Variants in RASGEF1C observed in about 807,000 individuals in gnomAD.
RASGEF1C encodes ras-GEF domain-containing family member 1C.
A neutral mutation model predicts 58.1 loss-of-function variants in RASGEF1C; 27 were observed. That is an observed-to-expected ratio of 0.46 (90% CI 0.34 to 0.64). The LOEUF (loss-of-function observed/expected upper bound fraction) is 0.64. Among genes scored for constraint, RASGEF1C ranks in the 30% least tolerant of loss-of-function variants. The pLI is 0.01. For synonymous variants in RASGEF1C, 243 were observed against 246.3 expected (o/e 0.99, Z 0.13); for missense variants, 502 against 605.1 (o/e 0.83, Z 1.79).
chr5:180,189,923 CAAAAA>C (rs71001085), intron 1 of RASGEF1C, among the ~76,000 whole-genome samples: 494 of 37,206 alleles, frequency 0.013, 2 homozygotes, highest in South Asian at 0.078. Flanking sequence ...AACTCCATCT[CAAAAA>C]AAAAAAAAAA....
intron 1 of RASGEF1C, among the ~76,000 whole-genome samples, chr5:180,182,576 G>A (rs983986432): frequency 2.0e-5 from 3 of 152,072 alleles, no homozygotes; most frequent in African/African-American, 7.3e-5. Context: ...ATTTTATAGT[G>A]TTGATTGGTG....
intron 10 of RASGEF1C, among the ~76,000 whole-genome samples, chr5:180,117,719 C>T (rs180922106): frequency 3.0e-4 from 46 of 152,248 alleles, no homozygotes; most frequent in East Asian, 2.7e-3. Context: ...TGTGGCTGGG[C>T]GCAGTGGCTC....
chr5:180,192,605 C>A (rs1436941542), intron 1 of RASGEF1C, among the ~76,000 whole-genome samples: 2 of 151,944 alleles, frequency 1.3e-5, no homozygotes, highest in Non-Finnish European at 2.9e-5. Context: ...ATTGTAGGCA[C>A]AAATGACACG....
intron 11 of RASGEF1C, among the ~76,000 whole-genome samples, chr5:180,113,277 C>T (rs565831470): frequency 4.2e-5 from 3 of 70,752 alleles, no homozygotes; most frequent in African/African-American, 5.9e-5. Flanking sequence ...CGAGGATGGA[C>T]GGAGGGATCC....
Position 180,201,508 on chromosome 5 carries a change from C to T in RASGEF1C, c.-7+7520G>A, listed in dbSNP as rs75535319. 9.2e-3 allele frequency among the ~76,000 whole-genome samples: 1,400 copies of T among 152,318 alleles called. 34 individuals carry two copies. The highest frequency in any genetic ancestry group is 0.088 in the South Asian group (424 of 4,824). On this transcript the variant is annotated intron_variant, in intron 1 of 13. Transcript: ENST00000361132. ...TCCTGCCTGCAGCCATCTGTTACCA[C>T]CAGTCCAGGCAAATTAAGACATCTC...
At chr5:180,174,556 CTG>C (rs1183829599) in intron 1 of RASGEF1C, among the ~76,000 whole-genome samples, 20 of 141,798 alleles carry the variant, frequency 1.4e-4, no homozygotes, top group Admixed American at 2.8e-4. Flanking sequence ...GTGCGTGTGT[CTG>C]TGTGTGCACG....
chr5:180,115,823 A>G (rs1421459682), intron 10 of RASGEF1C, among the ~76,000 whole-genome samples: 3 of 151,964 alleles, frequency 2.0e-5, no homozygotes, highest in Non-Finnish European at 4.4e-5. Flanking sequence ...GCTCTGCCCT[A>G]GTGCCCCGTC....
At chr5:180,151,875 A>G (rs1286936611) in intron 1 of RASGEF1C, among the ~76,000 whole-genome samples, 3 of 151,418 alleles carry the variant, frequency 2.0e-5, no homozygotes, top group South Asian at 2.1e-4. Flanking sequence ...TTTACAAGAA[A>G]AAAACAAACA....
chr5:180,208,966 G>T (rs1167096220), intron 1 of RASGEF1C, 62 bp downstream of exon 1: 1 of 145,568 alleles, frequency 6.9e-6, no homozygotes, highest in African/African-American at 2.5e-5. Flanking sequence ...GCCCTCCCCA[G>T]CCCCCGCGAG....
chr5:180,175,737 C>T (rs576808715), intron 1 of RASGEF1C, among the ~76,000 whole-genome samples: 17 of 152,342 alleles, frequency 1.1e-4, no homozygotes, highest in Admixed American at 1.3e-4. Context: ...CGGTGGCTCA[C>T]GCCTGTGATC....
intron 1 of RASGEF1C, among the ~76,000 whole-genome samples, chr5:180,186,712 TC>T (rs1756048659): frequency 6.6e-6 from 1 of 152,156 alleles, no homozygotes; most frequent in Non-Finnish European, 1.5e-5. Flanking sequence ...ACGCTTGTAA[TC>T]CCAGGACTTT....
At position 180,177,260 on chromosome 5, in the gene RASGEF1C, G is replaced by A. The variant is rs1164937231; in HGVS notation, c.-7+31768C>T. On this transcript the variant is annotated intron_variant, in intron 1 of 13. Coordinates refer to ENST00000361132, the MANE Select transcript of RASGEF1C (RefSeq NM_175062.4). This position sits in a 1 kb window ranked among gnomAD's most constrained non-coding sequence, Gnocchi z 5.0. ...CAGCCCCTCAGCCCCGAAGCCAGGG[G>A]CTGCTTTCCCTTTCCGGCCCCACCT... is the stretch of plus-strand genomic sequence containing the variant. Among the ~76,000 whole-genome samples, 3 of 152,174 alleles carry A rather than the reference G, an allele frequency of 2.0e-5. No homozygotes were observed.
chr5:180,205,521 T>C (rs1756471655), intron 1 of RASGEF1C, among the ~76,000 whole-genome samples: 1 of 152,094 alleles, frequency 6.6e-6, no homozygotes, highest in South Asian at 2.1e-4. Context: ...TATACAAGCC[T>C]AATATAAACT....
At chr5:180,154,782 T>C (rs1032061121) in intron 1 of RASGEF1C, among the ~76,000 whole-genome samples, 5 of 151,930 alleles carry the variant, frequency 3.3e-5, no homozygotes, top group Non-Finnish European at 7.4e-5. Context: ...AGGGTTTCAC[T>C]GTGTTAGCCA....
chr5:180,144,850 C>T (rs1294005413), intron 1 of RASGEF1C, among the ~76,000 whole-genome samples: 1 of 152,156 alleles, frequency 6.6e-6, no homozygotes, highest in Non-Finnish European at 1.5e-5. Flanking sequence ...CACAGTTCTA[C>T]ATTCTATGTA....
At chr5:180,193,063 T>TTGC (rs1491174222) in intron 1 of RASGEF1C, among the ~76,000 whole-genome samples, 3 of 124,066 alleles carry the variant, frequency 2.4e-5, no homozygotes, top group African/African-American at 6.0e-5. Context: ...TTTGTTGTTG[T>TTGC]TTTGTTTTTT....
chr5:180,113,648 C>T (rs1467136256), intron 11 of RASGEF1C, among the ~76,000 whole-genome samples: 2 of 87,120 alleles, frequency 2.3e-5, no homozygotes, highest in African/African-American at 1.1e-4. Flanking sequence ...ACGGAGTGAC[C>T]GGGGATGGAC....
At chr5:180,123,815 AGATT>A (rs1462154594) in intron 6 of RASGEF1C, among the ~76,000 whole-genome samples, 1 of 152,184 alleles carries the variant, frequency 6.6e-6, no homozygotes, top group Non-Finnish European at 1.5e-5. Context: ...ACCTCGGATA[AGATT>A]GATAAAGAAA....
intron 1 of RASGEF1C, among the ~76,000 whole-genome samples, chr5:180,194,331 C>T (rs1756225112): frequency 6.6e-6 from 1 of 152,220 alleles, no homozygotes; most frequent in South Asian, 2.1e-4. Flanking sequence ...CTTTCTTATA[C>T]TCGCTGTTTG....
Sources: allele counts gnomAD v4.1 joint callset (sites outside exome capture counted in the v4.1 genomes callset), GRCh38; gene constraint gnomAD v4.1.1; non-coding constraint Gnocchi (gnomAD v3.1); transcripts MANE v1.5; gene names NCBI Gene and HGNC (gene_info 2026-07-23, HGNC 2026-07-21).